The following TMEM132D variants were observed in gnomAD, a reference collection of about 807,000 sequenced individuals.
TMEM132D encodes mature OL transmembrane protein.
In TMEM132D, 21 loss-of-function variants were observed where a neutral mutation model predicts 62.3. That is an observed-to-expected ratio of 0.34 (90% CI 0.24 to 0.49). The LOEUF is 0.49. TMEM132D is among the 20% of genes least tolerant of loss of function. TMEM132D has a pLI of 0.99. For missense variants in TMEM132D, 1,346 were observed against 1,402.8 expected, an observed-to-expected ratio of 0.96 and a Z score of 0.65; for synonymous variants, 621 against 575.6, an observed-to-expected ratio of 1.08 and a Z score of -1.13.
intron 1 of TMEM132D, among the ~76,000 whole-genome samples, chr12:129,845,102 C>T (rs372760882): frequency 3.9e-5 from 6 of 152,218 alleles, no homozygotes; most frequent in East Asian, 1.9e-4. Context: ...TACAGAGAAA[C>T]GGTGATTTTA....
chr12:129,084,826 T>C, intron 5 of TMEM132D, 124 bp from the exon 6 acceptor site: 1 of 813,284 alleles, frequency 1.2e-6, no homozygotes, highest in Non-Finnish European at 1.9e-6. Context: ...CCCCTTACTA[T>C]GGGGGAGGAG....
At chr12:129,167,133 C>T (rs1346750812) in intron 5 of TMEM132D, among the ~76,000 whole-genome samples, 2 of 149,900 alleles carry the variant, frequency 1.3e-5, no homozygotes, top group Non-Finnish European at 2.9e-5. Context: ...ACACTCCAGC[C>T]TGGGTGATAG....
At chr12:129,630,691 T>G (rs1023341449) in intron 2 of TMEM132D, among the ~76,000 whole-genome samples, 2 of 152,230 alleles carry the variant, frequency 1.3e-5, no homozygotes, top group East Asian at 3.8e-4. Flanking sequence ...GTCCACTATG[T>G]AAATTATTGC....
chr12:129,311,197 CAAAAAAAAAAAAAAAAAAAAAAA>C (rs60836498), intron 4 of TMEM132D, among the ~76,000 whole-genome samples: 4 of 29,686 alleles, frequency 1.3e-4, no homozygotes, highest in East Asian at 2.3e-3. Context: ...GACTCCGTCT[CAAAAAAAAAAAAAAAAAAAAAAA>C]AAAAAAAAAA....
chr12:129,106,462 C>A (rs116460079), intron 5 of TMEM132D, among the ~76,000 whole-genome samples: 1 of 151,546 alleles, frequency 6.6e-6, no homozygotes, highest in East Asian at 1.9e-4. Context: ...CAATCCCTAT[C>A]AAAAAAAAGT....
chr12:129,535,108 G>C (rs1876343271), intron 2 of TMEM132D, among the ~76,000 whole-genome samples: 1 of 152,176 alleles, frequency 6.6e-6, no homozygotes, highest in Admixed American at 6.5e-5. Context: ...CAGTCATTTG[G>C]GGATCAAGGC....
chr12:129,833,446 GAAAAACAAAAAC>G (rs558747325), intron 1 of TMEM132D, among the ~76,000 whole-genome samples: 14 of 151,848 alleles, frequency 9.2e-5, no homozygotes, highest in Non-Finnish European at 1.5e-4. Flanking sequence ...ACAAAAAAAT[GAAAAACAAAAAC>G]AAAAACAAAA....
chr12:129,558,907 C>G (rs1262364065), intron 2 of TMEM132D, among the ~76,000 whole-genome samples: 2 of 152,130 alleles, frequency 1.3e-5, no homozygotes, highest in Non-Finnish European at 1.5e-5. Context: ...ATTGGAACTC[C>G]TACGACAAAA....
intron 1 of TMEM132D, among the ~76,000 whole-genome samples, chr12:129,791,855 C>A (rs141997305): frequency 2.5e-3 from 374 of 152,264 alleles, no homozygotes; most frequent in African/African-American, 8.7e-3. Context: ...CTTAGACAAT[C>A]CACAGACCTA....
chr12:129,540,185 G>A (rs2137097041), intron 2 of TMEM132D, among the ~76,000 whole-genome samples: 1 of 152,210 alleles, frequency 6.6e-6, no homozygotes, highest in East Asian at 1.9e-4. Context: ...TTTGCCTCCT[G>A]ACAGTCAATG....
intron 3 of TMEM132D, among the ~76,000 whole-genome samples, chr12:129,341,774 A>G (rs1302288665): frequency 2.7e-5 from 4 of 146,278 alleles, no homozygotes; most frequent in Non-Finnish European, 6.1e-5. Context: ...ATTCTTATAC[A>G]CCAATAACAG....
chr12:129,412,851 C>A (rs1182942763), intron 3 of TMEM132D, among the ~76,000 whole-genome samples: 2 of 152,140 alleles, frequency 1.3e-5, no homozygotes, highest in Non-Finnish European at 2.9e-5. Context: ...AAAACTCCAT[C>A]TCAACAGCAA....
chr12:129,516,393 A>G (rs997815713), intron 3 of TMEM132D, among the ~76,000 whole-genome samples: 2 of 152,198 alleles, frequency 1.3e-5, no homozygotes, highest in Non-Finnish European at 2.9e-5. Flanking sequence ...GGTAATTTAC[A>G]AAGAAAAAGA....
At chr12:129,741,826 C>A (rs996482503) in intron 1 of TMEM132D, among the ~76,000 whole-genome samples, 1 of 152,150 alleles carries the variant, frequency 6.6e-6, no homozygotes, top group Non-Finnish European at 1.5e-5. Flanking sequence ...CTTCAAGGTG[C>A]CATTTTAGCT....
Position 129,647,563 on chromosome 12 carries a change from C to T in TMEM132D, c.968+52247G>A, listed in dbSNP as rs180918288. 5.5e-3 allele frequency among the ~76,000 whole-genome samples: 837 copies of T among 152,280 alleles called. 3 individuals carry two copies. Among genetic ancestry groups the T allele is most frequent in the Middle Eastern group, 0.034 (10 of 294 alleles). ...GTGGTTGCACCAATTTACACTGCCACGTGCAGAGTAGGAGAGTTCCCAGGA... is the reference window on the plus strand; with the variant it reads ...GTGGTTGCACCAATTTACACTGCCATGTGCAGAGTAGGAGAGTTCCCAGGA... On this transcript the variant is annotated intron_variant, in intron 2 of 8. Coordinates refer to ENST00000422113, the MANE Select transcript of TMEM132D (RefSeq NM_133448.3).
intron 1 of TMEM132D, among the ~76,000 whole-genome samples, chr12:129,724,036 T>C (rs1868938272): frequency 1.3e-5 from 2 of 152,182 alleles, no homozygotes; most frequent in African/African-American, 4.8e-5. Context: ...GTGGGTCCAA[T>C]AACATCACCA....
At chr12:129,432,123 G>GTGGA (rs113591569) in intron 3 of TMEM132D, among the ~76,000 whole-genome samples, 30,049 of 144,704 alleles carry the variant, frequency 0.21, 3,509 homozygotes, top group Non-Finnish European at 0.27. Flanking sequence ...GGATGGATAG[G>GTGGA]TGGATGGATG....
chr12:129,470,214 G>A (rs1874053661), intron 3 of TMEM132D, among the ~76,000 whole-genome samples: 1 of 152,202 alleles, frequency 6.6e-6, no homozygotes, highest in African/African-American at 2.4e-5. Flanking sequence ...AGTCACATAA[G>A]ATGAGCGCAT....
intron 1 of TMEM132D, among the ~76,000 whole-genome samples, chr12:129,729,072 T>C (rs1460498368): frequency 1.3e-5 from 2 of 152,218 alleles, no homozygotes; most frequent in Non-Finnish European, 2.9e-5. Flanking sequence ...CAAGATTTGT[T>C]AAATCTGTCA....
Sources: gnomAD v4.1 joint callset for allele counts (sites outside exome capture counted in the v4.1 genomes callset) on GRCh38, gnomAD v4.1.1 for gene constraint, MANE v1.5 for transcripts, NCBI Gene and HGNC (gene_info 2026-07-23, HGNC 2026-07-21) for gene names.